TAMM41: variants seen among roughly 807,000 people sequenced by gnomAD.
TAMM41 encodes the protein TAM41 mitochondrial translocator assembly and maintenance homolog.
TAMM41 carries 36 observed loss-of-function variants against 44.1 expected under a neutral mutation model. That is an observed-to-expected ratio of 0.82 (90% confidence interval 0.63 to 1.08). The LOEUF (loss-of-function observed/expected upper bound fraction) is 1.08, where lower values mean the gene tolerates loss of function less well. TAMM41 is among the 50% of genes least tolerant of loss of function. The pLI is 0.00. For missense variants in TAMM41, 417 were observed against 404.3 expected, an observed-to-expected ratio of 1.03 and a Z score of -0.27; for synonymous variants, 164 against 153.1, an observed-to-expected ratio of 1.07 and a Z score of -0.53.
At chr3:11,805,546 A>G (rs1298943972) in intron 7 of TAMM41, among the ~76,000 whole-genome samples, 3 of 152,186 alleles carry the variant, frequency 2.0e-5, no homozygotes. Context: ...TGCTGGGATT[A>G]TAAGTGTGAG....
At chr3:11,764,641 C>T in the TAMM41 span, among the ~76,000 whole-genome samples, 38 of 151,654 alleles carry the variant, frequency 2.5e-4, no homozygotes, top group East Asian at 5.1e-3. Flanking sequence ...TACAGGTGCC[C>T]GCCACCACGC....
At position 11,798,753 on chromosome 3, in the gene TAMM41, C is replaced by T. The variant is rs532613493; in HGVS notation, c.938-8172G>A. ...AACAGGCAAACCAGTCACTCGGTGC[C>T]TGTCACTGTTAGTTTACTCCAGCTG... On this transcript the variant is annotated intron_variant, in intron 7 of 7. Transcript: ENST00000455809. 7.9e-5 allele frequency among the ~76,000 whole-genome samples: 12 copies of T among 152,262 alleles called. No homozygotes were observed. In the South Asian group the frequency reaches 2.1e-3, roughly 26 times the overall value.
At chr3:11,811,578 A>G (rs1483015058) in intron 5 of TAMM41, 1 of 152,252 alleles carries the variant, frequency 6.6e-6, no homozygotes, top group Non-Finnish European at 1.5e-5. Flanking sequence ...TCCTTACACT[A>G]ACTCTCATTA....
the TAMM41 span, among the ~76,000 whole-genome samples, chr3:11,745,658 G>C: frequency 6.6e-6 from 1 of 152,188 alleles, no homozygotes; most frequent in African/African-American, 2.4e-5. Flanking sequence ...TAGAATAGTG[G>C]TTGCCAGGAG....
intron 5 of TAMM41, among the ~76,000 whole-genome samples, chr3:11,815,453 GATGA>G (rs1240304393): frequency 6.6e-6 from 1 of 152,140 alleles, no homozygotes; most frequent in African/African-American, 2.4e-5. Context: ...AGAGTTTGAG[GATGA>G]CTGACCTAAG....
intron 3 of TAMM41, 124 bp downstream of exon 3, chr3:11,839,097 AT>A (rs555974017): frequency 3.5e-4 from 206 of 580,850 alleles, no homozygotes; most frequent in Non-Finnish European, 5.7e-4. Context: ...TTTATAGGGA[AT>A]AGGAAGAGTC....
chr3:11,727,160 C>T, the TAMM41 span, among the ~76,000 whole-genome samples: 1 of 152,184 alleles, frequency 6.6e-6, no homozygotes, highest in Non-Finnish European at 1.5e-5. Flanking sequence ...TAGGCATCCT[C>T]CTTATGCACA....
At chr3:11,760,892 C>T in the TAMM41 span, among the ~76,000 whole-genome samples, 2,166 of 148,218 alleles carry the variant, frequency 0.015, 41 homozygotes, top group African/African-American at 0.051. Flanking sequence ...CAGGCCCAGG[C>T]GTGGTGGCTC....
At chr3:11,769,203 C>T in the TAMM41 span, among the ~76,000 whole-genome samples, 22 of 152,288 alleles carry the variant, frequency 1.4e-4, no homozygotes, top group South Asian at 4.1e-4. Context: ...GATTCTCCTG[C>T]GTCAGCCTCC....
In TAMM41 at chr3:11,830,193, C is replaced by T. The variant is rs1019904670; in HGVS notation, c.412-329G>A. ...TTTTTAAATTTTATAATCTCACTGTCGTCACTTAATTTTTTAGTCGACAGA... is the reference window on the plus strand; with the variant it reads ...TTTTTAAATTTTATAATCTCACTGTTGTCACTTAATTTTTTAGTCGACAGA... On this transcript the variant is annotated intron_variant, in intron 3 of 7. Transcript: ENST00000455809. Among the ~76,000 whole-genome samples, 6 of 152,154 alleles carry T rather than the reference C, an allele frequency of 3.9e-5. No individual in the cohort carries two copies. In the East Asian group the frequency reaches 1.2e-3, roughly 29 times the overall value.
At chr3:11,823,585 A>C (rs1221844246) in intron 4 of TAMM41, among the ~76,000 whole-genome samples, 1 of 149,370 alleles carries the variant, frequency 6.7e-6, no homozygotes, top group Admixed American at 6.6e-5. Context: ...AATTCTTTAT[A>C]TATTCTGGAT....
chr3:11,732,996 T>G, the TAMM41 span, among the ~76,000 whole-genome samples: 1,352 of 106,034 alleles, frequency 0.013, 31 homozygotes, highest in South Asian at 0.049. Flanking sequence ...TGAGTTTTTT[T>G]TTTGTTTGTT....
chr3:11,722,814 C>A, the TAMM41 span, among the ~76,000 whole-genome samples: 3 of 152,134 alleles, frequency 2.0e-5, no homozygotes, highest in African/African-American at 7.2e-5. Context: ...ACTAAAAATA[C>A]AAAAATTAGC....
At chr3:11,724,393 G>A in the TAMM41 span, among the ~76,000 whole-genome samples, 1 of 150,906 alleles carries the variant, frequency 6.6e-6, no homozygotes, top group Admixed American at 6.6e-5. Context: ...ATGAGCCACC[G>A]CACCTGGCCT....
At chr3:11,756,150 G>C in the TAMM41 span, among the ~76,000 whole-genome samples, 2 of 152,298 alleles carry the variant, frequency 1.3e-5, no homozygotes, top group African/African-American at 4.8e-5. Context: ...CACATAGTAG[G>C]TGCTCAATAA....
At chr3:11,833,217 C>G in intron 3 of TAMM41, 2 of 1,228,630 alleles carry the variant, frequency 1.6e-6, no homozygotes, top group Middle Eastern at 4.5e-4. Context: ...AATGCCCCGA[C>G]CTGAACTGCA....
chr3:11,779,680 C>T, the TAMM41 span, among the ~76,000 whole-genome samples: 1 of 152,144 alleles, frequency 6.6e-6, no homozygotes, highest in African/African-American at 2.4e-5. Flanking sequence ...CTGAGAGATC[C>T]TCATTCACTC....
At chr3:11,773,430 A>T in the TAMM41 span, among the ~76,000 whole-genome samples, 1 of 151,994 alleles carries the variant, frequency 6.6e-6, no homozygotes, top group Admixed American at 6.6e-5. Flanking sequence ...TATTTTGGCC[A>T]GGTTGGTCTT....
chr3:11,824,984 G>A (rs1386640121), intron 4 of TAMM41, among the ~76,000 whole-genome samples: 1 of 152,130 alleles, frequency 6.6e-6, no homozygotes, highest in African/African-American at 2.4e-5. Flanking sequence ...GGGAGGGGAG[G>A]TGTGACCCAG....
Sources: gnomAD v4.1 joint callset for allele counts (sites outside exome capture counted in the v4.1 genomes callset) on GRCh38, gnomAD v4.1.1 for gene constraint, MANE v1.5 for transcripts, NCBI Gene and HGNC (gene_info 2026-07-23, HGNC 2026-07-21) for gene names.